NR2C2: variants seen among roughly 807,000 people sequenced by gnomAD.
NR2C2 encodes nuclear receptor subfamily 2 group C member 2, also known as Nuclear hormone receptor TR4.
In NR2C2, 6 loss-of-function variants were observed where a neutral mutation model predicts 62.9. That is an observed-to-expected ratio of 0.10 (90% CI 0.05 to 0.19). The LOEUF (loss-of-function observed/expected upper bound fraction) is 0.19. NR2C2 is among the 10% of genes least tolerant of loss of function. NR2C2 has a pLI of 1.00. For missense variants in NR2C2, 479 were observed against 762.7 expected (o/e 0.63, Z 4.38); for synonymous variants, 272 against 273.8 (o/e 0.99, Z 0.07).
intron 10 of NR2C2, among the ~76,000 whole-genome samples, chr3:15,033,123 A>G (rs1474702958): frequency 6.6e-6 from 1 of 152,236 alleles, no homozygotes; most frequent in African/African-American, 2.4e-5. Flanking sequence ...AAGTAACCAT[A>G]TAAAAATGGA....
At chr3:15,042,467 A>G (rs369360957) in intron 13 of NR2C2, 5 of 170,154 alleles carry the variant, frequency 2.9e-5, no homozygotes, top group East Asian at 1.6e-4. Flanking sequence ...TTTCCTGGTC[A>G]GTAAATACAG....
At chr3:15,024,692 G>T (rs893445550) in intron 7 of NR2C2, among the ~76,000 whole-genome samples, 1 of 152,198 alleles carries the variant, frequency 6.6e-6, no homozygotes, top group Admixed American at 6.5e-5. Context: ...CAGTCCAAAA[G>T]GGGGAGACTT....
intron 10 of NR2C2, among the ~76,000 whole-genome samples, chr3:15,034,172 C>A (rs1234021946): frequency 6.6e-6 from 1 of 152,250 alleles, no homozygotes; most frequent in Non-Finnish European, 1.5e-5. Flanking sequence ...TGGAAGCGGC[C>A]TTAGCTGGAC....
At chr3:14,949,777 A>T (rs774312541) in intron 1 of NR2C2, among the ~76,000 whole-genome samples, 3 of 151,444 alleles carry the variant, frequency 2.0e-5, no homozygotes, top group African/African-American at 7.4e-5. Context: ...TTATTTATTT[A>T]TTTTTTGAGA....
intron 1 of NR2C2, among the ~76,000 whole-genome samples, chr3:14,981,353 C>T (rs2040361991): frequency 6.6e-6 from 1 of 152,056 alleles, no homozygotes; most frequent in Non-Finnish European, 1.5e-5. Flanking sequence ...CCTGTAATCC[C>T]AGCACTTTGG....
At chr3:14,983,696 G>GT (rs1232486099) in intron 1 of NR2C2, among the ~76,000 whole-genome samples, 1 of 152,060 alleles carries the variant, frequency 6.6e-6, no homozygotes, top group Non-Finnish European at 1.5e-5. Flanking sequence ...CAGTAAAACT[G>GT]TTGGTGCCTG....
At chr3:14,964,277 TA>T (rs2039773894) in intron 1 of NR2C2, among the ~76,000 whole-genome samples, 1 of 152,206 alleles carries the variant, frequency 6.6e-6, no homozygotes, top group Admixed American at 6.5e-5. Flanking sequence ...GATTAAAGAC[TA>T]ATATAAACAA....
At chr3:14,985,551 C>T (rs1183034105) in intron 1 of NR2C2, among the ~76,000 whole-genome samples, 3 of 152,016 alleles carry the variant, frequency 2.0e-5, no homozygotes, top group African/African-American at 7.2e-5. Flanking sequence ...TAAGTATTTA[C>T]ATCCATGTTT....
chr3:15,030,405 A>G lies in NR2C2; in HGVS notation c.1063A>G (p.Ile355Val). Residue 355 changes from isoleucine (I) to valine (V), a missense_variant, in exon 9 of 14, where the codon ATT becomes GTT. Around this residue, in one of 4 missense-constraint regions of NR2C2, gnomAD observed 151 missense variants for 176.1 expected, o/e 0.86. Coordinates refer to ENST00000425241, the MANE Select transcript of NR2C2 (RefSeq NM_001291694.2). ...CAGCAGAGACCAGTCGACACCCATC[A>G]TTGAGGTTGAAGGCCCCCTCCTTTC... is the stretch of plus-strand genomic sequence containing the variant. ...VISRDQSTPI[I>V]EVEGPLLSDT... 6.2e-7 allele frequency: 1 copy of G among 1,609,506 alleles called. No individual in the cohort carries two copies. Among genetic ancestry groups the G allele is most frequent in the Non-Finnish European group, 8.5e-7 (1 of 1,178,588 alleles).
At chr3:14,960,223 A>G (rs2125243346) in intron 1 of NR2C2, among the ~76,000 whole-genome samples, 1 of 152,376 alleles carries the variant, frequency 6.6e-6, no homozygotes, top group South Asian at 2.1e-4. Flanking sequence ...CTGTTCATCA[A>G]AAGACACCTT....
In NR2C2 at chr3:14,977,568, C is replaced by T. The variant is rs186696200; in HGVS notation, c.-39-26308C>T. Among the ~76,000 whole-genome samples, 68 of 152,168 alleles carry T rather than the reference C, an allele frequency of 4.5e-4. 1 individual carries two copies. The highest frequency in any genetic ancestry group is 6.8e-3 in the Middle Eastern group (2 of 294). On this transcript the variant is annotated intron_variant, in intron 1 of 13. Coordinates refer to ENST00000425241, the MANE Select transcript of NR2C2 (RefSeq NM_001291694.2). ...TTCTGTTTAGTTTTCTTCTTTCTTA[C>T]ATAGTTGCTTTTATCCAAATTCATT...
rs147985344 is a variant in NR2C2, at chr3:14,982,662, C to G, written c.-39-21214C>G. 5.7e-3 allele frequency among the ~76,000 whole-genome samples: 863 copies of G among 152,064 alleles called. 7 individuals are homozygous for G. Among genetic ancestry groups the G allele is most frequent in the African/African-American group, 0.019 (779 of 41,488 alleles). The stretch of plus-strand genomic sequence containing the variant: ...TGATTTTGTTTATAGATTTTTTTAA[C>G]AATCTTGCTCTTACGAATTCTAATA... On this transcript the variant is annotated intron_variant, in intron 1 of 13. Transcript: ENST00000425241.
At chr3:15,033,677 A>T (rs1175319822) in intron 10 of NR2C2, among the ~76,000 whole-genome samples, 4 of 134,884 alleles carry the variant, frequency 3.0e-5, no homozygotes, top group African/African-American at 1.1e-4. Flanking sequence ...ATAACACCAC[A>T]GTCCACAGTT....
intron 7 of NR2C2, chr3:15,025,625 T>G (rs2041802768): frequency 2.0e-5 from 3 of 152,230 alleles, no homozygotes. Context: ...CCAATTTTAC[T>G]TTGAAGTAAT....
At chr3:15,019,479 T>A (rs1417890875) in intron 4 of NR2C2, among the ~76,000 whole-genome samples, 2 of 152,218 alleles carry the variant, frequency 1.3e-5, no homozygotes, top group African/African-American at 4.8e-5. Context: ...CCACGCTTAC[T>A]GCATGACTAT....
At chr3:15,015,469 T>C (rs533004132) in intron 3 of NR2C2, among the ~76,000 whole-genome samples, 1 of 152,336 alleles carries the variant, frequency 6.6e-6, no homozygotes, top group South Asian at 2.1e-4. Context: ...TAATAAAGTT[T>C]GGTTATTTCT....
chr3:14,952,736 G>A (rs902641502), intron 1 of NR2C2, among the ~76,000 whole-genome samples: 1 of 151,768 alleles, frequency 6.6e-6, no homozygotes, highest in Non-Finnish European at 1.5e-5. Context: ...AACTTAATAT[G>A]CCAGAGGCTG....
At chr3:15,036,414 A>AG (rs1017193773) in intron 11 of NR2C2, among the ~76,000 whole-genome samples, 16 of 152,204 alleles carry the variant, frequency 1.1e-4, no homozygotes, top group African/African-American at 3.6e-4. Flanking sequence ...AACACTCTGA[A>AG]GACCACTGTC....
At chr3:15,021,739 A>G (rs139656848) in intron 5 of NR2C2, among the ~76,000 whole-genome samples, 2 of 152,362 alleles carry the variant, frequency 1.3e-5, no homozygotes, top group East Asian at 1.9e-4. Flanking sequence ...TCCGCTGAGT[A>G]TGCTGCATGG....
Sources: gnomAD v4.1 joint callset for allele counts (sites outside exome capture counted in the v4.1 genomes callset) on GRCh38, gnomAD v4.1.1 for gene constraint, gnomAD v4.1.1 regional missense constraint, MANE v1.5 for transcripts, NCBI Gene and HGNC (gene_info 2026-07-23, HGNC 2026-07-21) for gene names.